Variants in ZFPM2 observed in about 807,000 individuals in gnomAD.
ZFPM2 encodes zinc finger protein, FOG family member 2, also known as zinc finger protein ZFPM2.
ZFPM2 carries 20 observed loss-of-function variants against 98.6 expected under a neutral mutation model. That is an observed-to-expected ratio of 0.20 (90% CI 0.14 to 0.29). The LOEUF (loss-of-function observed/expected upper bound fraction) is 0.29. ZFPM2 is among the 10% of genes least tolerant of loss of function. The pLI is 1.00. For missense variants in ZFPM2, 1,310 were observed against 1,388.6 expected (o/e 0.94, Z 0.90); for synonymous variants, 518 against 502.7 (o/e 1.03, Z -0.41).
intron 5 of ZFPM2, among the ~76,000 whole-genome samples, chr8:105,734,919 T>C (rs564669084): frequency 3.4e-4 from 52 of 151,120 alleles, no homozygotes; most frequent in African/African-American, 1.1e-3. Flanking sequence ...TACATATATA[T>C]GGAATATATC....
intron 1 of ZFPM2, among the ~76,000 whole-genome samples, chr8:105,372,583 G>A (rs1810646134): frequency 6.6e-6 from 1 of 152,076 alleles, no homozygotes; most frequent in African/African-American, 2.4e-5. Flanking sequence ...TCTGGTAGAT[G>A]GAAAAGTATT....
intron 3 of ZFPM2, among the ~76,000 whole-genome samples, chr8:105,534,423 C>T (rs1814405826): frequency 6.7e-6 from 1 of 148,350 alleles, no homozygotes; most frequent in Non-Finnish European, 1.5e-5. Flanking sequence ...TCCTTCCTCT[C>T]TTCCTCCTTT....
intron 5 of ZFPM2, among the ~76,000 whole-genome samples, chr8:105,780,784 G>A (rs1455358259): frequency 6.6e-6 from 1 of 152,210 alleles, no homozygotes; most frequent in Non-Finnish European, 1.5e-5. Context: ...GGAGGCTGAG[G>A]CAGGAGAATC....
At chr8:105,415,308 A>G (rs1811659502) in intron 1 of ZFPM2, among the ~76,000 whole-genome samples, 1 of 152,082 alleles carries the variant, frequency 6.6e-6, no homozygotes, top group African/African-American at 2.4e-5. Flanking sequence ...GCATTTTTAA[A>G]TGAGGTAAAT....
chr8:105,420,618 TG>T (rs1811773099), intron 2 of ZFPM2, among the ~76,000 whole-genome samples: 1 of 152,194 alleles, frequency 6.6e-6, no homozygotes, highest in African/African-American at 2.4e-5. Flanking sequence ...TTCCTAGTGT[TG>T]ACTCAGATTT....
chr8:105,452,845 A>G lies in ZFPM2; in HGVS notation c.301+8464A>G, dbSNP rs538064756. Among the ~76,000 whole-genome samples, 15 of 152,302 alleles carry G rather than the reference A, an allele frequency of 9.8e-5. 1 individual carries two copies. The South Asian group carries it at 3.1e-3, about 32-fold the overall frequency. ...TTATATTGGACCAGAGATTATTGGC[A>G]TTGATTTCCTTGTACCAGTATTGTG... is the stretch of plus-strand genomic sequence containing the variant. On this transcript the variant is annotated intron_variant, in intron 3 of 7. Coordinates refer to ENST00000407775, the MANE Select transcript of ZFPM2 (RefSeq NM_012082.4).
chr8:105,763,009 T>C (rs1812767645), intron 5 of ZFPM2, among the ~76,000 whole-genome samples: 1 of 151,056 alleles, frequency 6.6e-6, no homozygotes, highest in African/African-American at 2.4e-5. Flanking sequence ...TTATAGAATA[T>C]ATAGAGAAAA....
intron 1 of ZFPM2, among the ~76,000 whole-genome samples, chr8:105,335,871 C>G (rs879488434): frequency 2.2e-4 from 34 of 151,786 alleles, no homozygotes; most frequent in Non-Finnish European, 4.9e-4. Context: ...GTATTCTGAT[C>G]AAATGGTGCT....
chr8:105,573,655 G>A (rs1010977925), intron 4 of ZFPM2, among the ~76,000 whole-genome samples: 24 of 152,094 alleles, frequency 1.6e-4, no homozygotes, highest in African/African-American at 4.6e-4. Context: ...TATTAATTTT[G>A]CAATAAAGAC....
intron 5 of ZFPM2, among the ~76,000 whole-genome samples, chr8:105,782,916 T>G (rs752520431): frequency 1.3e-5 from 2 of 152,064 alleles, no homozygotes; most frequent in Non-Finnish European, 2.9e-5. Context: ...CATGTTTAGA[T>G]TCCTTAAATT....
chr8:105,558,468 A>G (rs575498661), intron 3 of ZFPM2, among the ~76,000 whole-genome samples: 12 of 152,138 alleles, frequency 7.9e-5, no homozygotes, highest in Non-Finnish European at 1.8e-4. Context: ...GGCCATATTT[A>G]AGAGCTTGTA....
At chr8:105,657,458 A>T (rs1264807981) in intron 5 of ZFPM2, among the ~76,000 whole-genome samples, 1 of 152,072 alleles carries the variant, frequency 6.6e-6, no homozygotes, top group Admixed American at 6.6e-5. Context: ...TTCTATTCTT[A>T]AGAGATTTTG....
At chr8:105,538,490 G>A (rs2130617467) in intron 3 of ZFPM2, among the ~76,000 whole-genome samples, 1 of 152,146 alleles carries the variant, frequency 6.6e-6, no homozygotes, top group East Asian at 1.9e-4. Context: ...CTGTCGTTTA[G>A]GATAAACATC....
chr8:105,575,658 A>G (rs1815450605), intron 4 of ZFPM2, among the ~76,000 whole-genome samples: 1 of 152,222 alleles, frequency 6.6e-6, no homozygotes, highest in Non-Finnish European at 1.5e-5. Context: ...TAGTCAATCC[A>G]GGTCAAAAAG....
intron 1 of ZFPM2, among the ~76,000 whole-genome samples, chr8:105,383,013 T>C (rs1243103048): frequency 6.6e-6 from 1 of 151,974 alleles, no homozygotes. Flanking sequence ...TTTAAATGAA[T>C]AGGTATTTGA....
At chr8:105,462,230 C>T (rs1403546111) in intron 3 of ZFPM2, among the ~76,000 whole-genome samples, 1 of 152,108 alleles carries the variant, frequency 6.6e-6, no homozygotes, top group Admixed American at 6.6e-5. Flanking sequence ...ATTCATCAAG[C>T]ACCCTGGCTC....
At chr8:105,494,227 A>ATATATATATAT (rs56993483) in intron 3 of ZFPM2, among the ~76,000 whole-genome samples, 262 of 127,514 alleles carry the variant, frequency 2.1e-3, no homozygotes, top group Non-Finnish European at 2.7e-3. Context: ...ATATATATAT[A>ATATATATATAT]ATCTCAAACT....
intron 2 of ZFPM2, among the ~76,000 whole-genome samples, chr8:105,441,023 C>T (rs1260040001): frequency 2.6e-5 from 4 of 151,950 alleles, no homozygotes; most frequent in African/African-American, 7.3e-5. Context: ...GGCATGGTGG[C>T]GCCTGCCTGT....
chr8:105,592,082 C>T (rs190724511), intron 4 of ZFPM2, among the ~76,000 whole-genome samples: 1 of 152,176 alleles, frequency 6.6e-6, no homozygotes, highest in Admixed American at 6.5e-5. Flanking sequence ...GGTTAAATTC[C>T]ATTTCAAAGC....
Sources: gnomAD v4.1 joint callset for allele counts (sites outside exome capture counted in the v4.1 genomes callset) on GRCh38, gnomAD v4.1.1 for gene constraint, MANE v1.5 for transcripts, NCBI Gene and HGNC (gene_info 2026-07-23, HGNC 2026-07-21) for gene names.